The following ACSL4 variants were observed in gnomAD, a reference collection of about 807,000 sequenced individuals.
The protein encoded by ACSL4 is long-chain-fatty-acid--CoA ligase 4.
ACSL4 carries 9 observed loss-of-function variants against 49.1 expected under a neutral mutation model. The observed-to-expected ratio is 0.18, with a 90% confidence interval of 0.11 to 0.32. The LOEUF (loss-of-function observed/expected upper bound fraction) is 0.32, where lower values mean the gene tolerates loss of function less well. Among genes scored for constraint, ACSL4 ranks in the 10% least tolerant of loss-of-function variants. The probability of loss-of-function intolerance (pLI) is 1.00; values close to 1 mark genes in which losing one functional copy is unlikely to be tolerated. For synonymous variants in ACSL4, 191 were observed against 170.3 expected (o/e 1.12, Z -0.95); for missense variants, 333 against 493.7 (o/e 0.67, Z 3.08).
At chrX:109,664,619 A>T (rs1922479216) in intron 12 of ACSL4, among the ~76,000 whole-genome samples, 1 of 112,145 alleles carries the variant, frequency 8.9e-6, no homozygotes, top group Non-Finnish European at 1.9e-5. Context: ...TTAGAAACTT[A>T]AAGTTTATGT....
At chrX:109,683,698 G>A (rs1187976818) in intron 2 of ACSL4, 2 of 357,179 alleles carry the variant, frequency 5.6e-6, no homozygotes, top group South Asian at 1.5e-4. Context: ...CAAGCAGAGA[G>A]CAGGAAAAAT....
At chrX:109,697,655 G>A (rs1380288454) in intron 1 of ACSL4, among the ~76,000 whole-genome samples, 1 of 100,393 alleles carries the variant, frequency 1.0e-5, no homozygotes, top group Non-Finnish European at 2.0e-5. Flanking sequence ...ACAGAAGTCA[G>A]GTTATTTCAT....
At chrX:109,708,170 TC>T (rs1452779424) in intron 1 of ACSL4, among the ~76,000 whole-genome samples, 1 of 112,300 alleles carries the variant, frequency 8.9e-6, no homozygotes, top group Non-Finnish European at 1.9e-5. Flanking sequence ...GGTCTCCAAC[TC>T]CTGGGCTCAA....
intron 1 of ACSL4, among the ~76,000 whole-genome samples, chrX:109,707,611 G>A (rs1926450325): frequency 9.1e-6 from 1 of 110,311 alleles, no homozygotes; most frequent in Admixed American, 9.7e-5. Context: ...CCGGTCCATG[G>A]TCTGGGAGTT....
chrX:109,663,130 T>C, intron 13 of ACSL4, 81 bp downstream of exon 13: 1 of 902,822 alleles, frequency 1.1e-6, no homozygotes, highest in Non-Finnish European at 1.6e-6. Context: ...ATCAACTTTA[T>C]TAATGACTGA....
chrX:109,674,302 T>A (rs1006799396), intron 9 of ACSL4, 100 bp downstream of exon 9: 11 of 685,081 alleles, frequency 1.6e-5, no homozygotes, highest in Non-Finnish European at 2.5e-5. Context: ...TATTTTAAAA[T>A]GTAGACATAT....
intron 1 of ACSL4, among the ~76,000 whole-genome samples, chrX:109,715,888 C>T (rs1213247773): frequency 9.0e-6 from 1 of 111,697 alleles, no homozygotes; most frequent in African/African-American, 3.3e-5. Context: ...ATGACAGTGA[C>T]ATCACCCCAC....
chrX:109,683,939 A>G (rs988212139), intron 2 of ACSL4, among the ~76,000 whole-genome samples: 1 of 112,163 alleles, frequency 8.9e-6, no homozygotes, highest in African/African-American at 3.2e-5. Context: ...GGTACTCTGC[A>G]TATCATTCTG....
At chrX:109,701,320 G>A (rs1043851257) in intron 1 of ACSL4, among the ~76,000 whole-genome samples, 10 of 105,452 alleles carry the variant, frequency 9.5e-5, no homozygotes, top group Admixed American at 4.1e-4. Context: ...AGGTTCAAGC[G>A]ATTCTCCTGC....
At chrX:109,700,538 TAAA>T (rs562313936) in intron 1 of ACSL4, among the ~76,000 whole-genome samples, 3 of 51,132 alleles carry the variant, frequency 5.9e-5, no homozygotes, top group Admixed American at 4.3e-4. Flanking sequence ...CTCTGTCTCA[TAAA>T]AAAAAAAAAA....
intron 4 of ACSL4, 56 bp from the exon 5 acceptor site, chrX:109,681,431 T>A (rs1468530997): frequency 1.2e-6 from 1 of 841,428 alleles, no homozygotes; most frequent in Non-Finnish European, 1.7e-6. Context: ...TAGAAATGGA[T>A]ATTATTGAAG....
chrX:109,723,322 A>G (rs773671445), intron 1 of ACSL4, among the ~76,000 whole-genome samples: 1 of 111,995 alleles, frequency 8.9e-6, no homozygotes, highest in South Asian at 3.7e-4. Flanking sequence ...GTACAGAGAA[A>G]AAGTAAAACT....
intron 3 of ACSL4, 60 bp from the exon 4 acceptor site, chrX:109,682,956 C>T: frequency 8.8e-7 from 1 of 1,131,230 alleles, no homozygotes; most frequent in Non-Finnish European, 1.2e-6. Context: ...AAAATACTAT[C>T]CAAAGCATAA....
At chrX:109,718,667 T>C (rs749451465) in intron 1 of ACSL4, among the ~76,000 whole-genome samples, 15 of 108,583 alleles carry the variant, frequency 1.4e-4, no homozygotes, top group African/African-American at 4.7e-4. Flanking sequence ...TGTGGGAGGA[T>C]TGCTTGAGCC....
At chrX:109,696,900 C>T (rs894720914) in intron 1 of ACSL4, among the ~76,000 whole-genome samples, 1 of 110,659 alleles carries the variant, frequency 9.0e-6, no homozygotes, top group Non-Finnish European at 1.9e-5. Flanking sequence ...AAAAATTAGC[C>T]GAACATGGTG....
intron 11 of ACSL4, among the ~76,000 whole-genome samples, chrX:109,666,216 T>C (rs149012408): frequency 1.5e-3 from 164 of 112,208 alleles, no homozygotes; most frequent in Non-Finnish European, 2.7e-3. Flanking sequence ...GTAAGCACAA[T>C]AGTAGCTTAG....
At chrX:109,648,219 C>A (rs768755092) in intron 15 of ACSL4, among the ~76,000 whole-genome samples, 19 of 110,653 alleles carry the variant, frequency 1.7e-4, no homozygotes, top group East Asian at 1.4e-3. Context: ...GAGACACAAC[C>A]AAAAAAGAGA....
At chrX:109,671,572 AG>A (rs988337692) in intron 9 of ACSL4, among the ~76,000 whole-genome samples, 10 of 112,509 alleles carry the variant, frequency 8.9e-5, no homozygotes, top group African/African-American at 3.2e-4. Flanking sequence ...CCCATCTGGG[AG>A]GTGTACCCAA....
intron 1 of ACSL4, among the ~76,000 whole-genome samples, chrX:109,699,628 C>G (rs767568997): frequency 9.0e-6 from 1 of 111,609 alleles, no homozygotes; most frequent in Admixed American, 9.5e-5. Flanking sequence ...TTGAGTGTTA[C>G]ATATTCATAG....
Sources: allele counts gnomAD v4.1 joint callset (sites outside exome capture counted in the v4.1 genomes callset), GRCh38; gene constraint gnomAD v4.1.1; transcripts MANE v1.5; gene names NCBI Gene and HGNC (gene_info 2026-07-23, HGNC 2026-07-21).